CEP295: variants seen among roughly 807,000 people sequenced by gnomAD.
CEP295 encodes the protein centrosomal protein 295, also known as centrosomal protein of 295 kDa.
In CEP295, 190 loss-of-function variants were observed where a neutral mutation model predicts 291.6. That is an observed-to-expected ratio of 0.65 (90% confidence interval 0.58 to 0.73). CEP295 has a LOEUF of 0.73. Among genes scored for constraint, CEP295 ranks in the 30% least tolerant of loss-of-function variants. CEP295 has a pLI of 0.00. For missense variants in CEP295, 2,863 were observed against 2,949.4 expected (o/e 0.97, Z 0.68); for synonymous variants, 993 against 1,038.8 (o/e 0.96, Z 0.85).
At position 93,699,100 on chromosome 11, in the gene CEP295, C is replaced by T. The variant is rs540513215; in HGVS notation, c.4188C>T (p.Ser1396=). Residue 1396 remains serine, a synonymous_variant, in exon 15 of 30, where the codon TCC becomes TCT. Coordinates refer to ENST00000325212, the MANE Select transcript of CEP295 (RefSeq NM_033395.2). ...CTCCCGAGCAGGTTGACACCTCTTC[C>T]TTACCCCTAGTACCACAGCATTCAT... ...RISPEQVDTS[S]LPLVPQHSFA... The T allele has an allele frequency of 2.3e-5, 35 of 1,548,316 alleles. No homozygotes were observed. The highest frequency in any genetic ancestry group is 7.8e-5 in the Admixed American group (4 of 50,988).
At chr11:93,726,909 G>T (rs1299983161) in intron 23 of CEP295, 67 bp from the exon 24 acceptor site, 4 of 1,248,336 alleles carry the variant, frequency 3.2e-6, no homozygotes, top group Non-Finnish European at 4.4e-6. Context: ...AACTATTAGA[G>T]ACTGTCAGTA....
chr11:93,677,139 C>G (rs1317928534), intron 6 of CEP295, among the ~76,000 whole-genome samples: 2 of 152,036 alleles, frequency 1.3e-5, no homozygotes, highest in Non-Finnish European at 2.9e-5. Context: ...GACCAATGTG[C>G]TTGGCTTTCA....
At chr11:93,705,261 GA>G (rs1376225893) in intron 17 of CEP295, among the ~76,000 whole-genome samples, 1 of 151,578 alleles carries the variant, frequency 6.6e-6, no homozygotes, top group Non-Finnish European at 1.5e-5. Flanking sequence ...TTGGGGAGGT[GA>G]AAAAAAACTT....
intron 19 of CEP295, 67 bp downstream of exon 19, chr11:93,721,479 T>G: frequency 1.0e-6 from 1 of 984,638 alleles, no homozygotes; most frequent in South Asian, 1.3e-5. Flanking sequence ...TTTTGTTTAG[T>G]TTACAGAAGC....
At chr11:93,705,559 A>G (rs936387393) in intron 17 of CEP295, among the ~76,000 whole-genome samples, 1 of 151,334 alleles carries the variant, frequency 6.6e-6, no homozygotes, top group African/African-American at 2.4e-5. Context: ...CTAAAAGGTT[A>G]CTCTTTTTCT....
In CEP295 at chr11:93,697,329, A is replaced by G; in HGVS notation, c.2417A>G (p.Lys806Arg). Reference sequence around the variant, plus strand: ...CTGCCTGTTAAAGTTGAGTCAGGAAAAATTCAAGAACCCTTTTCAGCCATG... The same window carrying G: ...CTGCCTGTTAAAGTTGAGTCAGGAAGAATTCAAGAACCCTTTTCAGCCATG... Reference protein sequence around the residue: ...SSLPVKVESGKIQEPFSAMSK... With the variant: ...SSLPVKVESGRIQEPFSAMSK... The change falls in exon 15 of 30, where the codon AAA becomes AGA. Residue 806 changes from lysine to arginine, a missense_variant. Transcript: ENST00000325212. 2 of 1,551,764 alleles carry G rather than the reference A, an allele frequency of 1.3e-6. No individual in the cohort carries two copies. Among genetic ancestry groups the G allele is most frequent in the Middle Eastern group, 1.7e-4 (1 of 5,994 alleles).
intron 22 of CEP295, among the ~76,000 whole-genome samples, chr11:93,725,097 AAC>A (rs901011845): frequency 2.0e-5 from 3 of 151,768 alleles, no homozygotes; most frequent in African/African-American, 7.3e-5. Context: ...TCTACTAAAA[AAC>A]ACAAAAATTA....
At chr11:93,687,946 A>G (rs2135007278) in intron 10 of CEP295, 81 bp downstream of exon 10, 3 of 977,146 alleles carry the variant, frequency 3.1e-6, no homozygotes, top group Non-Finnish European at 4.5e-6. Context: ...AAATCAAAGA[A>G]TAGAGGTTAA....
intron 18 of CEP295, among the ~76,000 whole-genome samples, chr11:93,710,813 T>G (rs557676631): frequency 6.6e-6 from 1 of 152,322 alleles, no homozygotes; most frequent in East Asian, 1.9e-4. Flanking sequence ...CTACTCAGGT[T>G]TTGGATTTCT....
intron 17 of CEP295, among the ~76,000 whole-genome samples, chr11:93,705,762 G>C (rs1952471764): frequency 6.6e-6 from 1 of 152,150 alleles, no homozygotes; most frequent in Non-Finnish European, 1.5e-5. Context: ...GATGCTAAAA[G>C]GCCAATTGGA....
intron 10 of CEP295, among the ~76,000 whole-genome samples, chr11:93,689,991 A>G (rs1239790827): frequency 6.6e-6 from 1 of 152,248 alleles, no homozygotes; most frequent in Non-Finnish European, 1.5e-5. Flanking sequence ...TCCAACATCT[A>G]GAAGATGGCT....
intron 18 of CEP295, among the ~76,000 whole-genome samples, chr11:93,708,556 A>G (rs1041602177): frequency 1.3e-5 from 2 of 151,828 alleles, no homozygotes; most frequent in Non-Finnish European, 2.9e-5. Flanking sequence ...TTGTTTGTTG[A>G]TGGACACTTA....
At position 93,724,389 on chromosome 11, in the gene CEP295, G is replaced by C; in HGVS notation, c.6318+14G>C. 6.5e-7 allele frequency: 1 copy of C among 1,545,904 alleles called. No individual in the cohort carries two copies. The highest frequency in any genetic ancestry group is 1.7e-4 in the Middle Eastern group (1 of 5,990). On this transcript the variant is annotated intron_variant, in intron 22 of 29. Transcript: ENST00000325212. ...GACTTTTACCAGGTATATTAAAGTA[G>C]ATGTCCCATTGCAGTGAATATCTAA...
chr11:93,709,798 T>A (rs1275582089), intron 18 of CEP295, among the ~76,000 whole-genome samples: 1 of 152,196 alleles, frequency 6.6e-6, no homozygotes, highest in Admixed American at 6.5e-5. Flanking sequence ...TTTCCATTTT[T>A]TGTGTGTCCT....
At chr11:93,664,988 A>C (rs1590950639) in intron 1 of CEP295, among the ~76,000 whole-genome samples, 1 of 152,254 alleles carries the variant, frequency 6.6e-6, no homozygotes, top group East Asian at 1.9e-4. Context: ...ATACCAAGAC[A>C]ACATAAAATT....
chr11:93,710,791 C>T (rs1195220302), intron 18 of CEP295, among the ~76,000 whole-genome samples: 1 of 152,170 alleles, frequency 6.6e-6, no homozygotes, highest in Non-Finnish European at 1.5e-5. Context: ...GATCTCATTA[C>T]TTGTTATTGG....
At chr11:93,725,415 ACAGT>A (rs1294010237) in intron 22 of CEP295, among the ~76,000 whole-genome samples, 3 of 152,212 alleles carry the variant, frequency 2.0e-5, no homozygotes, top group African/African-American at 7.2e-5. Flanking sequence ...ATCCTCCTAC[ACAGT>A]CAAAGGAGCT....
chr11:93,669,526 T>C (rs1286211357), intron 4 of CEP295, 151 bp from the exon 5 acceptor site: 2 of 438,848 alleles, frequency 4.6e-6, no homozygotes, highest in Non-Finnish European at 8.1e-6. Flanking sequence ...TTTCTTAACA[T>C]ATGTATAGAC....
In CEP295 at chr11:93,698,760, C is replaced by A. The variant is rs997093504; in HGVS notation, c.3848C>A (p.Ser1283Tyr). The A allele has an allele frequency of 6.4e-7, 1 of 1,551,706 alleles. No homozygotes were observed. Among genetic ancestry groups the A allele is most frequent in the Admixed American group, 2.0e-5 (1 of 50,990 alleles). ...CAGAAAACCCAAGAAAATACATCTT[C>A]TGAACAAACTGGTTCATCTTCATTC... ...FSQKTQENTS[S>Y]EQTGSSSFIP... Residue 1283 changes from serine to tyrosine, a missense_variant, in exon 15 of 30, where the codon TCT becomes TAT. By Grantham distance (144) the Ser-to-Tyr change is moderately radical. Around this residue, in one of 3 missense-constraint regions of CEP295, gnomAD observed 2,295 missense variants for 2,335.7 expected, o/e 0.98. Coordinates refer to ENST00000325212, the MANE Select transcript of CEP295 (RefSeq NM_033395.2).
Sources: gnomAD v4.1 joint callset for allele counts (sites outside exome capture counted in the v4.1 genomes callset) on GRCh38, gnomAD v4.1.1 for gene constraint, gnomAD v4.1.1 regional missense constraint, MANE v1.5 for transcripts, NCBI Gene and HGNC (gene_info 2026-07-23, HGNC 2026-07-21) for gene names.